Variants in ARHGEF4 observed in about 807,000 individuals in gnomAD.
The protein encoded by ARHGEF4 is Rho guanine nucleotide exchange factor 4.
ARHGEF4 carries 119 observed loss-of-function variants against 162.0 expected under a neutral mutation model. That is an observed-to-expected ratio of 0.73 (90% CI 0.63 to 0.86). ARHGEF4 has a LOEUF of 0.86. ARHGEF4 is among the 40% of genes least tolerant of loss of function. The pLI, the probability that ARHGEF4 is intolerant of heterozygous loss-of-function variation, is 0.00. For synonymous variants in ARHGEF4, 1,014 were observed against 979.9 expected, an observed-to-expected ratio of 1.03 and a Z score of -0.65; for missense variants, 2,488 against 2,456.0, an observed-to-expected ratio of 1.01 and a Z score of -0.28.
In ARHGEF4 at chr2:130,980,642, G is replaced by A. The variant is rs557087184; in HGVS notation, c.3985+34007G>A. ...AAGATTGGTTTCTAGATACAGTACT[G>A]ACGACTGGTTAGGCAACCTTCACCA... On this transcript the variant is annotated intron_variant, in intron 4 of 13. Coordinates refer to ENST00000409359, the MANE Select transcript of ARHGEF4 (RefSeq NM_001367493.1). Among the ~76,000 whole-genome samples the A allele has an allele frequency of 1.6e-4, 24 of 152,258 alleles. 1 individual carries two copies. In the South Asian group the frequency reaches 3.7e-3, roughly 24 times the overall value.
chr2:131,044,171 C>A, intron 11 of ARHGEF4, 128 bp from the exon 12 acceptor site: 1 of 1,375,782 alleles, frequency 7.3e-7, no homozygotes, highest in Non-Finnish European at 9.9e-7. Flanking sequence ...CTCAGGATCT[C>A]ACTGTCTGCT....
In ARHGEF4 at chr2:131,044,438, CAG is replaced by C. The variant is rs1319449420; in HGVS notation, c.5298_5299del (p.Asp1768GlnfsTer38). 9 of 1,561,464 alleles carry C rather than the reference CAG, an allele frequency of 5.8e-6. No homozygotes were observed. The highest frequency in any genetic ancestry group is 2.7e-5 in the African/African-American group (2 of 73,568). ...GCCTTCCGGCTGCACCGTGGCGCCA[CAG>C]GGGACAGCCACCTGCTGTGCACCAG... On this transcript the variant is annotated frameshift_variant, in exon 12 of 14. Coordinates refer to ENST00000409359, the MANE Select transcript of ARHGEF4 (RefSeq NM_001367493.1). LOFTEE classifies it high-confidence loss of function.
At chr2:130,994,263 C>T (rs1687237261) in intron 4 of ARHGEF4, among the ~76,000 whole-genome samples, 1 of 151,918 alleles carries the variant, frequency 6.6e-6, no homozygotes, top group Admixed American at 6.6e-5. Flanking sequence ...TACATTTGTC[C>T]CCCATATTTT....
intron 4 of ARHGEF4, among the ~76,000 whole-genome samples, chr2:131,022,196 A>G (rs188689533): frequency 3.9e-5 from 6 of 152,284 alleles, no homozygotes; most frequent in Admixed American, 6.5e-5. Flanking sequence ...CCTCTTCAAT[A>G]TTTTTGGAAG....
chr2:130,962,530 A>G (rs995888005), intron 4 of ARHGEF4, among the ~76,000 whole-genome samples: 6 of 152,148 alleles, frequency 3.9e-5, no homozygotes, highest in Non-Finnish European at 2.9e-5. Flanking sequence ...GAGGTCTCAC[A>G]AGGAGAGGAG....
At chr2:130,874,755 G>T (rs2104941986) in intron 1 of ARHGEF4, among the ~76,000 whole-genome samples, 1 of 152,264 alleles carries the variant, frequency 6.6e-6, no homozygotes, top group East Asian at 1.9e-4. Context: ...CATTGGTCAT[G>T]CCCTTCTTTC....
rs140330416 is a variant in ARHGEF4, at chr2:131,044,376, C to T, written c.5235C>T (p.Asp1745=). 324 of 1,597,802 alleles carry T rather than the reference C, an allele frequency of 2.0e-4. 1 individual carries two copies. The South Asian group carries it at 2.8e-3, about 14-fold the overall frequency. Residue 1745 remains aspartate, a synonymous_variant, in exon 12 of 14, where the codon GAC becomes GAT. Transcript: ENST00000409359. ...MDGLEVVDLE[D]GKDRDLHVSI... ...GCCTGGAGGTGGTGGACCTGGAGGA[C>T]GGGAAGGACAGAGACCTCCATGTGA...
At chr2:130,850,713 G>A (rs1167504144) in intron 1 of ARHGEF4, among the ~76,000 whole-genome samples, 3 of 152,210 alleles carry the variant, frequency 2.0e-5, no homozygotes, top group South Asian at 2.1e-4. Context: ...AGATGCCCTC[G>A]TGATGGGGCC....
At chr2:130,940,849 GAA>G (rs70994723) in intron 3 of ARHGEF4, among the ~76,000 whole-genome samples, 8 of 131,908 alleles carry the variant, frequency 6.1e-5, no homozygotes, top group Admixed American at 2.5e-4. Flanking sequence ...AAAAAAAAAA[GAA>G]AAAAAAAAAG....
At chr2:130,907,566 C>T (rs1219808413) in intron 1 of ARHGEF4, among the ~76,000 whole-genome samples, 4 of 151,990 alleles carry the variant, frequency 2.6e-5, no homozygotes, top group Non-Finnish European at 4.4e-5. Context: ...GATATGGATG[C>T]ATGGTTAATT....
chr2:130,964,104 T>TAGC (rs1178700825), intron 4 of ARHGEF4: 7 of 923,532 alleles, frequency 7.6e-6, no homozygotes, highest in Middle Eastern at 5.5e-4. Context: ...ATCTCGGCAC[T>TAGC]AGCAGCAGCA....
chr2:131,040,126 C>G lies in ARHGEF4; in HGVS notation c.4416C>G (p.Thr1472=), dbSNP rs138695820. ...AGAGCAGCAAGGACCAGATGCGGAC[C>G]AACGTCATCAACGAGATCCTCAGCA... ...EAQSSKDQMR[T]NVINEILSTE... Residue 1472 remains threonine (T), a synonymous_variant, in exon 7 of 14, where the codon ACC becomes ACG. Transcript: ENST00000409359. The G allele has an allele frequency of 6.3e-5, 102 of 1,613,114 alleles. No individual in the cohort carries two copies. Among genetic ancestry groups the G allele is most frequent in the Non-Finnish European group, 8.1e-5 (95 of 1,179,688 alleles).
chr2:130,967,649 T>G (rs1685088598), intron 4 of ARHGEF4, among the ~76,000 whole-genome samples: 1 of 152,228 alleles, frequency 6.6e-6, no homozygotes, highest in South Asian at 2.1e-4. Context: ...CCAGGCACAG[T>G]GCTAGGCTCT....
chr2:130,965,676 T>A (rs1684956412), intron 4 of ARHGEF4, among the ~76,000 whole-genome samples: 1 of 152,148 alleles, frequency 6.6e-6, no homozygotes, highest in Non-Finnish European at 1.5e-5. Context: ...TGGGGACACC[T>A]CCTCCTTTCT....
At chr2:130,965,489 C>T (rs1684943718) in intron 4 of ARHGEF4, among the ~76,000 whole-genome samples, 1 of 152,256 alleles carries the variant, frequency 6.6e-6, no homozygotes. Context: ...GATTCCATCA[C>T]ATCCCTGTTC....
intron 3 of ARHGEF4, among the ~76,000 whole-genome samples, chr2:130,942,715 T>A (rs979962465): frequency 6.6e-6 from 1 of 152,192 alleles, no homozygotes; most frequent in African/African-American, 2.4e-5. Flanking sequence ...TCTAAATAGA[T>A]TAGGATTTCG....
At chr2:130,838,381 G>C (rs189734293) in intron 1 of ARHGEF4, among the ~76,000 whole-genome samples, 1 of 152,004 alleles carries the variant, frequency 6.6e-6, no homozygotes, top group Admixed American at 6.6e-5. Flanking sequence ...TGGGGGGGGC[G>C]GATCGCCTGA....
chr2:130,923,502 C>T (rs1574237572), intron 2 of ARHGEF4, among the ~76,000 whole-genome samples: 1 of 152,186 alleles, frequency 6.6e-6, no homozygotes, highest in African/African-American at 2.4e-5. Flanking sequence ...CTCACGTGGT[C>T]ATCAAGTCGA....
chr2:130,879,783 T>A (rs778880843), intron 1 of ARHGEF4, among the ~76,000 whole-genome samples: 9 of 148,748 alleles, frequency 6.1e-5, no homozygotes, highest in Non-Finnish European at 1.2e-4. Flanking sequence ...TTTTTTTATT[T>A]TTTTTATTTT....
Sources: allele counts gnomAD v4.1 joint callset (sites outside exome capture counted in the v4.1 genomes callset), GRCh38; gene constraint gnomAD v4.1.1; transcripts MANE v1.5; gene names NCBI Gene and HGNC (gene_info 2026-07-23, HGNC 2026-07-21).